Variants in AKNA observed in about 807,000 individuals in gnomAD.
The protein encoded by AKNA is AT-hook transcription factor, also known as microtubule organization protein AKNA.
AKNA carries 67 observed loss-of-function variants against 138.8 expected under a neutral mutation model. The ratio of observed to expected loss-of-function variants is 0.48; its 90% CI spans 0.40 to 0.59. AKNA has a LOEUF of 0.59. AKNA is among the 20% of genes least tolerant of loss of function. AKNA has a pLI of 0.00. For missense variants in AKNA, 1,813 were observed against 1,880.4 expected, an observed-to-expected ratio of 0.96 and a Z score of 0.66; for synonymous variants, 737 against 754.4, an observed-to-expected ratio of 0.98 and a Z score of 0.38.
In AKNA at chr9:114,359,810, C is replaced by G. The variant is rs1219237545; in HGVS notation, c.2292-16G>C. The G allele has an allele frequency of 1.1e-5, 17 of 1,603,650 alleles. No individual in the cohort carries two copies. The highest frequency in any genetic ancestry group is 1.4e-5 in the Non-Finnish European group (17 of 1,174,334). On this transcript the variant is annotated splice_polypyrimidine_tract_variant and intron_variant, in intron 10 of 21. Transcript: ENST00000374088. ...ACTGAGGTACCTGCAGAAGAACACA[C>G]AGAGGGGCATGACCTCTGCCCAGTG...
chr9:114,377,744 C>T (rs546961410), intron 2 of AKNA: 35 of 579,334 alleles, frequency 6.0e-5, no homozygotes, highest in African/African-American at 9.3e-5. Context: ...AACCCAAACC[C>T]GGTGGATGGT....
intron 1 of AKNA, among the ~76,000 whole-genome samples, chr9:114,393,922 C>T (rs759215328): frequency 3.3e-5 from 5 of 152,152 alleles, no homozygotes; most frequent in Non-Finnish European, 5.9e-5. Context: ...CCTGTAATCC[C>T]AGCATTTTGG....
At chr9:114,330,554 T>C (rs1365811390), downstream of AKNA, 1 of 1,612,920 alleles carries the variant, frequency 6.2e-7, no homozygotes, top group East Asian at 2.2e-5. Flanking sequence ...GGACACGATC[T>C]TTCTCAGAGA....
rs1034136231 is a variant in AKNA at position 114,337,909 on chromosome 9, T to C, written c.4068-603A>G. On this transcript the variant is annotated intron_variant, in intron 21 of 21. Transcript: ENST00000374088. ...CCTATAGGAATGTGAGGTGTTGTTT[T>C]AAAGTGCTGTGGGAATGGGCTGACA... 4.9e-4 allele frequency among the ~76,000 whole-genome samples: 75 copies of C among 152,320 alleles called. 1 individual carries two copies. The highest frequency in any genetic ancestry group is 1.7e-3 in the African/African-American group (70 of 41,572).
intron 11 of AKNA, 71 bp downstream of exon 11, chr9:114,359,523 C>G: frequency 6.2e-7 from 1 of 1,611,676 alleles, no homozygotes; most frequent in Non-Finnish European, 8.5e-7. Context: ...GTCTTATTCA[C>G]TCTGACAGTG....
At chr9:114,362,370 C>A in intron 8 of AKNA, 36 bp downstream of exon 8, 1 of 1,593,684 alleles carries the variant, frequency 6.3e-7, no homozygotes, top group Non-Finnish European at 8.6e-7. Flanking sequence ...GGGCCCATCC[C>A]ATCTGTCCTT....
rs548453862 is a variant in AKNA at position 114,373,599 on chromosome 9, C to T, written c.1416+494G>A. Reference sequence around the variant, plus strand: ...GAGAGATTCTCATGAAATTCCTGGGCTCATGGTAGCTCAGGCCTGTAATCC... The same window carrying T: ...GAGAGATTCTCATGAAATTCCTGGGTTCATGGTAGCTCAGGCCTGTAATCC... On this transcript the variant is annotated intron_variant, in intron 4 of 21. Coordinates refer to ENST00000374088, the MANE Select transcript of AKNA (RefSeq NM_001317950.2). 1.1e-4 allele frequency among the ~76,000 whole-genome samples: 17 copies of T among 152,082 alleles called. No homozygotes were observed. In the South Asian group the frequency reaches 3.5e-3, roughly 32 times the overall value.
downstream of AKNA, chr9:114,333,083 A>C: frequency 6.4e-7 from 1 of 1,573,588 alleles, no homozygotes; most frequent in Non-Finnish European, 8.6e-7. Flanking sequence ...AGTGTGAGCC[A>C]CTGGAGAAGC....
At chr9:114,381,655 GTTTTTTTTT>G (rs1160552279) in intron 1 of AKNA, among the ~76,000 whole-genome samples, 2 of 82,910 alleles carry the variant, frequency 2.4e-5, no homozygotes, top group African/African-American at 4.9e-5. Flanking sequence ...TCTCTCCAGG[GTTTTTTTTT>G]TTTTTTTTTT....
At chr9:114,331,565 A>G (rs1356104340), downstream of AKNA, 1 of 1,612,222 alleles carries the variant, frequency 6.2e-7, no homozygotes, top group East Asian at 2.2e-5. Flanking sequence ...TTTCTCTTCC[A>G]GAGGGAGGCC....
chr9:114,331,981 C>T (rs753382047), downstream of AKNA: 6 of 1,524,928 alleles, frequency 3.9e-6, no homozygotes, highest in African/African-American at 8.8e-5. Flanking sequence ...CCAACTTGGG[C>T]AGCCCCAGAG....
At chr9:114,358,376 T>C (rs1831663388) in intron 11 of AKNA, 2 of 599,958 alleles carry the variant, frequency 3.3e-6, no homozygotes, top group Non-Finnish European at 5.6e-6. Context: ...CTATAAAATA[T>C]GGATGCCAAC....
Position 114,356,118 on chromosome 9 carries a change from G to A in AKNA, c.2865C>T (p.Ala955=). The change falls in exon 14 of 22, where the codon GCC becomes GCT. Residue 955 remains alanine (A), a synonymous_variant. Coordinates refer to ENST00000374088, the MANE Select transcript of AKNA (RefSeq NM_001317950.2). Reference sequence around the variant, plus strand: ...TGGGCACAGATGCAGCAAAGGGCTGGGCTAATGTTCCTGCTGTGCTGGGGG... The same window carrying A: ...TGGGCACAGATGCAGCAAAGGGCTGAGCTAATGTTCCTGCTGTGCTGGGGG... ...LSHISTAGTL[A]QPFAASVPRD... 1 of 1,613,746 alleles carries A rather than the reference G, an allele frequency of 6.2e-7. No individual in the cohort carries two copies.
chr9:114,350,061 A>C (rs1170689871), intron 15 of AKNA, among the ~76,000 whole-genome samples: 1 of 152,188 alleles, frequency 6.6e-6, no homozygotes, highest in Admixed American at 6.5e-5. Flanking sequence ...TTCATCCTAC[A>C]AGATGGTAAG....
Position 114,369,875 on chromosome 9 carries a change from G to A in AKNA, c.1417-1280C>T, listed in dbSNP as rs578108609. 1.3e-3 allele frequency among the ~76,000 whole-genome samples: 201 copies of A among 151,830 alleles called. 1 individual carries two copies. Among genetic ancestry groups the A allele is most frequent in the African/African-American group, 4.7e-3 (194 of 41,356 alleles). On this transcript the variant is annotated intron_variant, in intron 4 of 21. Coordinates refer to ENST00000374088, the MANE Select transcript of AKNA (RefSeq NM_001317950.2). ...CATCATCACCATTTTTACCATTACCGTCATCATCATAACCATCACCGTCAT... is the reference window on the plus strand; with the variant it reads ...CATCATCACCATTTTTACCATTACCATCATCATCATAACCATCACCGTCAT...
chr9:114,341,454 T>G, intron 21 of AKNA, 79 bp downstream of exon 21: 1 of 1,565,304 alleles, frequency 6.4e-7, no homozygotes, highest in Non-Finnish European at 8.7e-7. Context: ...GCATCTCAGC[T>G]GCCCCACCCA....
chr9:114,340,134 C>T (rs902974370), intron 21 of AKNA, among the ~76,000 whole-genome samples: 2 of 152,160 alleles, frequency 1.3e-5, no homozygotes, highest in Admixed American at 6.5e-5. Context: ...TTTAAAAGCA[C>T]ATTTATAGGC....
At chr9:114,366,787 C>A (rs1293979267) in intron 6 of AKNA, among the ~76,000 whole-genome samples, 1 of 151,936 alleles carries the variant, frequency 6.6e-6, no homozygotes, top group East Asian at 1.9e-4. Flanking sequence ...GGTGGTGCTT[C>A]TGAAAGAATT....
chr9:114,354,255 C>T (rs1160447633), intron 14 of AKNA, among the ~76,000 whole-genome samples: 1 of 151,938 alleles, frequency 6.6e-6, no homozygotes, highest in Non-Finnish European at 1.5e-5. Flanking sequence ...ACATCACAGA[C>T]ACACACACAC....
Sources: gnomAD v4.1 joint callset for allele counts (sites outside exome capture counted in the v4.1 genomes callset) on GRCh38, gnomAD v4.1.1 for gene constraint, MANE v1.5 for transcripts, NCBI Gene and HGNC (gene_info 2026-07-23, HGNC 2026-07-21) for gene names.